Variants in ARHGAP32 observed in about 807,000 individuals in gnomAD.
ARHGAP32 encodes Rho GTPase activating protein 32.
ARHGAP32 carries 51 observed loss-of-function variants against 186.5 expected under a neutral mutation model. The ratio of observed to expected loss-of-function variants is 0.27; its 90% CI spans 0.22 to 0.35. The LOEUF (loss-of-function observed/expected upper bound fraction) is 0.35, where lower values mean the gene tolerates loss of function less well. ARHGAP32 is among the 10% of genes least tolerant of loss of function. The pLI is 1.00. For synonymous variants in ARHGAP32, 950 were observed against 964.3 expected (o/e 0.99, Z 0.27); for missense variants, 2,186 against 2,623.5 (o/e 0.83, Z 3.64).
chr11:129,097,873 A>T (rs1941780324), intron 5 of ARHGAP32, among the ~76,000 whole-genome samples: 1 of 152,182 alleles, frequency 6.6e-6, no homozygotes, highest in Non-Finnish European at 1.5e-5. Context: ...ACACCCGATA[A>T]TCAAATGTTC....
In ARHGAP32 at chr11:129,252,755, C is replaced by T. The variant is rs140280471; in HGVS notation, c.-5+26391G>A. On this transcript the variant is annotated intron_variant, in intron 1 of 6. Coordinates refer to the ARHGAP32 transcript ENST00000525234. ...ATTAACCGTAAAAGAACCACAGTCT[C>T]GGGGAGGCTACCTCCTTGTTCCAAT... Among the ~76,000 whole-genome samples, 213 of 152,256 alleles carry T rather than the reference C, an allele frequency of 1.4e-3. 1 individual carries two copies. Among genetic ancestry groups the T allele is most frequent in the Admixed American group, 2.2e-3 (34 of 15,282 alleles).
At chr11:129,197,992 A>G (rs549892300) in intron 1 of ARHGAP32, among the ~76,000 whole-genome samples, 2 of 152,348 alleles carry the variant, frequency 1.3e-5, no homozygotes, top group African/African-American at 4.8e-5. Flanking sequence ...AATATCAAAA[A>G]TAAAGAATCC....
chr11:129,173,368 A>G (rs1943815788), intron 1 of ARHGAP32, among the ~76,000 whole-genome samples: 1 of 152,018 alleles, frequency 6.6e-6, no homozygotes, highest in South Asian at 2.1e-4. Context: ...AGACGGATTC[A>G]CAGCCAAATT....
At chr11:129,004,601 C>T (rs1487294611) in intron 11 of ARHGAP32, among the ~76,000 whole-genome samples, 1 of 151,912 alleles carries the variant, frequency 6.6e-6, no homozygotes, top group Non-Finnish European at 1.5e-5. Context: ...CTAAATTGAC[C>T]CCTTTATTAC....
intron 2 of ARHGAP32, among the ~76,000 whole-genome samples, chr11:129,133,432 G>C (rs567565785): frequency 2.0e-5 from 3 of 152,136 alleles, no homozygotes; most frequent in South Asian, 4.2e-4. Flanking sequence ...AACAAAACAA[G>C]TAACATCAAA....
intron 1 of ARHGAP32, among the ~76,000 whole-genome samples, chr11:129,269,659 C>T (rs953160224): frequency 2.0e-5 from 3 of 152,036 alleles, no homozygotes; most frequent in East Asian, 3.9e-4. Context: ...CCCAGGAGTT[C>T]GAGGTTACAA....
intron 2 of ARHGAP32, among the ~76,000 whole-genome samples, chr11:129,141,539 T>C (rs543440171): frequency 4.6e-5 from 7 of 151,486 alleles, no homozygotes; most frequent in African/African-American, 1.7e-4. Flanking sequence ...AGTTAATGGG[T>C]CCAGCAAACC....
intron 11 of ARHGAP32, among the ~76,000 whole-genome samples, chr11:129,019,822 T>C (rs1938520741): frequency 6.6e-6 from 1 of 152,074 alleles, no homozygotes; most frequent in Admixed American, 6.5e-5. Context: ...AGACATATAG[T>C]CTAATTAAGG....
intron 1 of ARHGAP32, among the ~76,000 whole-genome samples, chr11:129,205,362 TAA>T (rs1206720171): frequency 1.3e-5 from 2 of 152,294 alleles, no homozygotes; most frequent in African/African-American, 2.4e-5. Context: ...TACAATTCAT[TAA>T]GTTACTTTTT....
chr11:129,200,829 C>T (rs1390343807), intron 1 of ARHGAP32, among the ~76,000 whole-genome samples: 1 of 151,852 alleles, frequency 6.6e-6, no homozygotes, highest in Non-Finnish European at 1.5e-5. Context: ...CATCCCTGAA[C>T]CATAAAATGT....
intron 11 of ARHGAP32, among the ~76,000 whole-genome samples, chr11:129,027,530 T>C (rs942004974): frequency 3.3e-5 from 5 of 152,184 alleles, no homozygotes; most frequent in African/African-American, 9.7e-5. Flanking sequence ...CTTTACCAAG[T>C]CTGACACACA....
intron 1 of ARHGAP32, among the ~76,000 whole-genome samples, chr11:129,269,466 C>T (rs1217366462): frequency 6.6e-6 from 1 of 152,130 alleles, no homozygotes; most frequent in African/African-American, 2.4e-5. Flanking sequence ...ATAACTCACG[C>T]CTATAATCCC....
At chr11:129,191,661 G>A (rs1944271793) in intron 1 of ARHGAP32, among the ~76,000 whole-genome samples, 2 of 91,542 alleles carry the variant, frequency 2.2e-5, no homozygotes, top group South Asian at 3.0e-4. Flanking sequence ...CAGGCAGGCA[G>A]GCAGGCACGC....
At chr11:128,982,224 G>A (rs149359831) in intron 15 of ARHGAP32, among the ~76,000 whole-genome samples, 1,578 of 152,226 alleles carry the variant, frequency 0.01, 13 homozygotes, top group Middle Eastern at 0.017. Context: ...AAAGAAAACA[G>A]TAATGTCTCA....
At chr11:129,209,439 A>AT (rs1160163253) in intron 1 of ARHGAP32, among the ~76,000 whole-genome samples, 1 of 151,214 alleles carries the variant, frequency 6.6e-6, no homozygotes, top group Non-Finnish European at 1.5e-5. Flanking sequence ...AGTAAGATAT[A>AT]TAAAAAAAAG....
chr11:129,177,318 CCAGGACCAGATGGATTCA>C (rs1402779102), intron 1 of ARHGAP32, among the ~76,000 whole-genome samples: 2 of 152,002 alleles, frequency 1.3e-5, no homozygotes, highest in Non-Finnish European at 2.9e-5. Context: ...CAAAAAGAGT[CCAGGACCAGATGGATTCA>C]CAGCCGAATT....
chr11:129,157,074 G>A (rs1943426046), intron 2 of ARHGAP32, among the ~76,000 whole-genome samples: 1 of 152,154 alleles, frequency 6.6e-6, no homozygotes, highest in South Asian at 2.1e-4. Flanking sequence ...CCCATCCAAA[G>A]TTACCAACAT....
intron 5 of ARHGAP32, among the ~76,000 whole-genome samples, chr11:129,100,455 G>GC (rs2086265399): frequency 6.6e-6 from 1 of 152,138 alleles, no homozygotes. Context: ...CTATGACCAT[G>GC]CATCAGCCCA....
rs554189790 is a variant in ARHGAP32 at position 129,027,956 on chromosome 11, G to A, written c.1045+12972C>T. 5.9e-5 allele frequency among the ~76,000 whole-genome samples: 9 copies of A among 152,232 alleles called. No homozygotes were observed. The East Asian group carries it at 1.2e-3, about 20-fold the overall frequency. ...ATGAATATCGGAAATGGCCAAAAGC[G>A]GAAAAGCCTCTTTACTCAGGGCAAG... On this transcript the variant is annotated intron_variant, in intron 11 of 22. Coordinates refer to ENST00000682385, the MANE Select transcript of ARHGAP32 (RefSeq NM_001378024.1).
Sources: gnomAD v4.1 joint callset for allele counts (sites outside exome capture counted in the v4.1 genomes callset) on GRCh38, gnomAD v4.1.1 for gene constraint, MANE v1.5 for transcripts, NCBI Gene and HGNC (gene_info 2026-07-23, HGNC 2026-07-21) for gene names.